UBE2J2: variants seen among roughly 807,000 people sequenced by gnomAD.
UBE2J2 encodes ubiquitin conjugating enzyme E2 J2.
Under a neutral mutation model 28.6 loss-of-function variants are expected in UBE2J2, and 5 were observed. That is an observed-to-expected ratio of 0.17 (90% CI 0.09 to 0.37). The LOEUF (loss-of-function observed/expected upper bound fraction) is 0.37. UBE2J2 is among the 10% of genes least tolerant of loss of function. The pLI is 1.00. For missense variants in UBE2J2, 226 were observed against 338.9 expected (o/e 0.67, Z 2.62); for synonymous variants, 138 against 139.7 (o/e 0.99, Z 0.09).
rs1052726414 is a variant in UBE2J2 at position 1,271,282 on chromosome 1, C to T, written c.-1+2384G>A. On this transcript the variant is annotated intron_variant, in intron 1 of 6. Coordinates refer to ENST00000349431, the MANE Select transcript of UBE2J2 (RefSeq NM_058167.3). Reference sequence around the variant, plus strand: ...CCCTCAGGCCAACACCTGGTGATGGCCACAGTGATGACCCCAAGCAGCACC... The same window carrying T: ...CCCTCAGGCCAACACCTGGTGATGGTCACAGTGATGACCCCAAGCAGCACC... 2.0e-5 allele frequency among the ~76,000 whole-genome samples: 3 copies of T among 152,232 alleles called. No individual in the cohort carries two copies. In the South Asian group the frequency reaches 6.2e-4, roughly 31 times the overall value.
At chr1:1,267,713 C>A (rs1047002439) in intron 2 of UBE2J2, 149 bp downstream of exon 2, 3 of 1,492,886 alleles carry the variant, frequency 2.0e-6, no homozygotes, top group Admixed American at 2.2e-5. Flanking sequence ...TGTCCACAGG[C>A]CCCTGGGCAC....
intron 2 of UBE2J2, chr1:1,264,634 G>A (rs1639743418): frequency 6.6e-6 from 1 of 152,330 alleles, no homozygotes; most frequent in African/African-American, 2.4e-5. Flanking sequence ...TAGGCCAGGT[G>A]CGGTGGCTCA....
intron 2 of UBE2J2, among the ~76,000 whole-genome samples, chr1:1,264,226 G>C (rs936174202): frequency 3.3e-5 from 5 of 152,112 alleles, no homozygotes; most frequent in African/African-American, 9.7e-5. Flanking sequence ...TCCCCACACA[G>C]AGCTCACCCT....
At position 1,259,577 on chromosome 1, in the gene UBE2J2, T is replaced by C. The variant is rs548029705; in HGVS notation, c.173-2267A>G. Reference sequence around the variant, plus strand: ...CTCATCATCTTAGGCCGCCTCGGCATCCACTCTGAATCTAGGCTGGACTTT... The same window carrying C: ...CTCATCATCTTAGGCCGCCTCGGCACCCACTCTGAATCTAGGCTGGACTTT... On this transcript the variant is annotated intron_variant, in intron 3 of 6. Coordinates refer to ENST00000349431, the MANE Select transcript of UBE2J2 (RefSeq NM_058167.3). Among the ~76,000 whole-genome samples, 103 of 152,302 alleles carry C rather than the reference T, an allele frequency of 6.8e-4. 1 individual carries two copies. Among genetic ancestry groups the C allele is most frequent in the African/African-American group, 2.4e-3 (98 of 41,546 alleles).
At chr1:1,260,668 G>T (rs1222956365) in intron 3 of UBE2J2, among the ~76,000 whole-genome samples, 1 of 152,182 alleles carries the variant, frequency 6.6e-6, no homozygotes, top group South Asian at 2.1e-4. Context: ...CCACACCCCA[G>T]GCCATCTGCT....
chr1:1,257,394 C>CCG (rs1553154806), intron 3 of UBE2J2, 84 bp from the exon 4 acceptor site: 7 of 53,110 alleles, frequency 1.3e-4, no homozygotes, highest in African/African-American at 3.1e-4. Flanking sequence ...CCCCACGCCA[C>CCG]CCCCCCCCCC....
intron 3 of UBE2J2, among the ~76,000 whole-genome samples, chr1:1,260,842 T>C (rs1639515412): frequency 6.6e-6 from 1 of 152,248 alleles, no homozygotes; most frequent in South Asian, 2.1e-4. Flanking sequence ...CCTTTGCATG[T>C]AGCTTGTGTA....
chr1:1,267,299 G>A (rs1639926004), intron 2 of UBE2J2, among the ~76,000 whole-genome samples: 1 of 152,134 alleles, frequency 6.6e-6, no homozygotes, highest in Non-Finnish European at 1.5e-5. Flanking sequence ...GAGTCACCAT[G>A]AGGTGAATGC....
At chr1:1,262,656 G>C (rs1042721420) in intron 3 of UBE2J2, among the ~76,000 whole-genome samples, 1 of 152,212 alleles carries the variant, frequency 6.6e-6, no homozygotes, top group Non-Finnish European at 1.5e-5. Flanking sequence ...GCTCTGCCTT[G>C]TGCTTGCCGG....
At chr1:1,256,384 A>G (rs1639173968) in intron 5 of UBE2J2, 2 of 405,988 alleles carry the variant, frequency 4.9e-6, no homozygotes, top group Non-Finnish European at 9.0e-6. Context: ...CCCGCTGACA[A>G]GGCCCGGGCC....
intron 3 of UBE2J2, among the ~76,000 whole-genome samples, chr1:1,261,857 C>T (rs549918734): frequency 1.3e-5 from 2 of 150,512 alleles, no homozygotes; most frequent in African/African-American, 4.9e-5. Context: ...ACCGTATTAG[C>T]AAGGATGGTC....
At position 1,268,125 on chromosome 1, in the gene UBE2J2, A is replaced by G. The variant is rs967361012; in HGVS notation, c.1-133T>C. On this transcript the variant is annotated intron_variant, in intron 1 of 6. Coordinates refer to ENST00000349431, the MANE Select transcript of UBE2J2 (RefSeq NM_058167.3). The surrounding 1 kb of genome is among the most constrained non-coding windows in gnomAD (Gnocchi z 4.7). ...CCGGTCACCCAGAGTCACAGCTCAC[A>G]GGTCACCCTCGCTTGCCACCCGCCC... 6.3e-6 allele frequency: 8 copies of G among 1,278,592 alleles called. No individual in the cohort carries two copies. The highest frequency in any genetic ancestry group is 8.7e-6 in the Non-Finnish European group (8 of 916,954). 79.2% of individuals were successfully genotyped at this position (1,278,592 alleles called of 1,614,324 possible).
In UBE2J2 at chr1:1,257,407, C is replaced by CCCCCCCCCCG. The variant is rs1553154853; in HGVS notation, c.173-98_173-97insCGGGGGGGGG. The CCCCCCCCCCG allele has an allele frequency of 9.0e-6, 5 of 554,636 alleles. 1 individual carries two copies. In the African/African-American group the frequency reaches 1.7e-4, roughly 19 times the overall value. The allele number at this position is 554,636 out of a possible 1,614,324, so 34.4% of individuals were successfully genotyped here. ...CCCCCCACGCCACCCCCCCCCCCCC[C>CCCCCCCCCCG]CTCAGCTCGGCTCCCGAGTCCTCAT... On this transcript the variant is annotated intron_variant, in intron 3 of 6. Coordinates refer to ENST00000349431, the MANE Select transcript of UBE2J2 (RefSeq NM_058167.3).
chr1:1,255,124 G>A lies in UBE2J2; in HGVS notation c.*79C>T, dbSNP rs935802187. On this transcript the variant is annotated 3_prime_UTR_variant, in exon 7 of 7. Coordinates refer to ENST00000349431, the MANE Select transcript of UBE2J2 (RefSeq NM_058167.3). ...GAGCCTGGTGGGTCTGCCTGTGCTGGGCAGTGTGTCCAGCCTGCCGAGGTC... is the reference window on the plus strand; with the variant it reads ...GAGCCTGGTGGGTCTGCCTGTGCTGAGCAGTGTGTCCAGCCTGCCGAGGTC... 2.8e-6 allele frequency: 4 copies of A among 1,433,954 alleles called. No homozygotes were observed. In the African/African-American group the frequency reaches 4.3e-5, roughly 15 times the overall value. 88.8% of individuals were successfully genotyped at this position (1,433,954 alleles called of 1,614,324 possible). A position where few individuals can be genotyped will look rare whatever the true frequency, so the allele number is the denominator to read the frequency against.
intron 2 of UBE2J2, among the ~76,000 whole-genome samples, chr1:1,266,621 AC>A (rs1393341642): frequency 1.3e-5 from 2 of 152,142 alleles, no homozygotes; most frequent in Non-Finnish European, 2.9e-5. Context: ...GGAGATCAAG[AC>A]CATCCTGGCT....
At chr1:1,272,790 G>A (rs1640225801) in intron 1 of UBE2J2, 1 of 157,826 alleles carries the variant, frequency 6.3e-6, no homozygotes, top group Non-Finnish European at 1.4e-5. Context: ...CGGACTGCAA[G>A]TTCCGGGCAC....
intron 2 of UBE2J2, among the ~76,000 whole-genome samples, chr1:1,265,646 T>TGTGTGTGTGTGTGTGGGTGG: frequency 6.7e-6 from 1 of 148,476 alleles, no homozygotes; most frequent in South Asian, 2.1e-4. Flanking sequence ...TGTGTGTGTG[T>TGTGTGTGTGTGTGTGGGTGG]GTGGTGGAGT....
At chr1:1,255,696 C>A (rs934269239) in intron 6 of UBE2J2, among the ~76,000 whole-genome samples, 2 of 152,218 alleles carry the variant, frequency 1.3e-5, no homozygotes, top group Non-Finnish European at 2.9e-5. Flanking sequence ...CAGACCAGAG[C>A]AAGGCTGAGC....
At chr1:1,269,614 C>T (rs558097422) in intron 1 of UBE2J2, among the ~76,000 whole-genome samples, 2 of 152,196 alleles carry the variant, frequency 1.3e-5, no homozygotes, top group East Asian at 3.9e-4. Context: ...GTGCCTGCCA[C>T]CATGCCAAGC....
Sources: allele counts gnomAD v4.1 joint callset (sites outside exome capture counted in the v4.1 genomes callset), GRCh38; gene constraint gnomAD v4.1.1; non-coding constraint Gnocchi (gnomAD v3.1); transcripts MANE v1.5; gene names NCBI Gene and HGNC (gene_info 2026-07-23, HGNC 2026-07-21).